RPS6KA5: variants seen among roughly 807,000 people sequenced by gnomAD.
RPS6KA5 encodes the protein ribosomal protein S6 kinase A5, also known as ribosomal protein S6 kinase alpha-5.
A neutral mutation model predicts 85.5 loss-of-function variants in RPS6KA5; 27 were observed. The ratio of observed to expected loss-of-function variants is 0.32; its 90% CI spans 0.23 to 0.44. The LOEUF (loss-of-function observed/expected upper bound fraction) is 0.44, where lower values mean the gene tolerates loss of function less well. Among genes scored for constraint, RPS6KA5 ranks in the 20% least tolerant of loss-of-function variants. The pLI is 1.00. For synonymous variants in RPS6KA5, 334 were observed against 348.2 expected (o/e 0.96, Z 0.46); for missense variants, 811 against 980.9 (o/e 0.83, Z 2.31).
In RPS6KA5 at chr14:90,978,491, C is replaced by T; in HGVS notation, c.209G>A (p.Ser70Asn). The change falls in exon 3 of 17, where the codon AGT (serine) becomes AAT (asparagine). Residue 70 changes from serine to asparagine, a missense_variant. Transcript: ENST00000614987. ...ATACAGCTTTCCAGTATCATGGCCACTTATTTTACGAACTAGAAATACTTT... is the reference window on the plus strand; with the variant it reads ...ATACAGCTTTCCAGTATCATGGCCATTTATTTTACGAACTAGAAATACTTT... ...YGKVFLVRKISGHDTGKLYAM... is the reference protein window; with the variant it reads ...YGKVFLVRKINGHDTGKLYAM... The T allele has an allele frequency of 6.3e-7, 1 of 1,598,628 alleles. No homozygotes were observed. The highest frequency in any genetic ancestry group is 8.5e-7 in the Non-Finnish European group (1 of 1,174,574).
At chr14:90,904,008 G>T in intron 8 of RPS6KA5, among the ~76,000 whole-genome samples, 1 of 151,156 alleles carries the variant, frequency 6.6e-6, no homozygotes, top group Non-Finnish European at 1.5e-5. Flanking sequence ...GGGCAGTGGC[G>T]CGATCTCGGC....
intron 1 of RPS6KA5, among the ~76,000 whole-genome samples, chr14:91,026,882 T>C (rs2042009186): frequency 6.6e-6 from 1 of 152,224 alleles, no homozygotes; most frequent in Non-Finnish European, 1.5e-5. Context: ...ATTAGCGATG[T>C]TGAGCATTTT....
intron 13 of RPS6KA5, among the ~76,000 whole-genome samples, chr14:90,891,765 T>C (rs545042661): frequency 3.0e-4 from 45 of 152,302 alleles, no homozygotes; most frequent in Middle Eastern, 3.4e-3. Context: ...TAGCATACAT[T>C]GTTTAATCTT....
Position 90,851,992 on chromosome 14 carries a change from C to A in RPS6KA5, c.*20082G>T, listed in dbSNP as rs2032018361. 6.7e-6 allele frequency: 1 copy of A among 149,760 alleles called. No individual in the cohort carries two copies. Among genetic ancestry groups the A allele is most frequent in the Non-Finnish European group, 1.5e-5 (1 of 67,584 alleles). 9.3% of individuals were successfully genotyped at this position (149,760 alleles called of 1,614,324 possible). A position where few individuals can be genotyped will look rare whatever the true frequency, so the allele number is the denominator to read the frequency against. The stretch of plus-strand genomic sequence containing the variant: ...ATATTCGTTGATCTAAAGAAATAAA[C>A]AGTATTATTCAGTAATAGTCCTAGT... On this transcript the variant is annotated 3_prime_UTR_variant, in exon 17 of 17. Coordinates refer to ENST00000614987, the MANE Select transcript of RPS6KA5 (RefSeq NM_004755.4).
chr14:90,887,053 C>G lies in RPS6KA5; in HGVS notation c.1836+3434G>C, dbSNP rs553629565. 1.3e-4 allele frequency among the ~76,000 whole-genome samples: 20 copies of G among 152,170 alleles called. No homozygotes were observed. The South Asian group carries it at 3.5e-3, about 27-fold the overall frequency. Reference sequence around the variant, plus strand: ...TTGTGCTTGTTATGGGATAATTCAGCCTTTGTATCTAGATATGCATTCATT... The same window carrying G: ...TTGTGCTTGTTATGGGATAATTCAGGCTTTGTATCTAGATATGCATTCATT... On this transcript the variant is annotated intron_variant, in intron 14 of 16. Transcript: ENST00000614987.
chr14:90,916,831 C>G (rs2036142363), intron 7 of RPS6KA5, among the ~76,000 whole-genome samples: 1 of 152,186 alleles, frequency 6.6e-6, no homozygotes, highest in Non-Finnish European at 1.5e-5. Context: ...CTGATTCAGG[C>G]TCTCTTTCTC....
intron 1 of RPS6KA5, among the ~76,000 whole-genome samples, chr14:91,051,763 A>T (rs1350862703): frequency 3.9e-5 from 6 of 152,068 alleles, no homozygotes; most frequent in African/African-American, 1.4e-4. Flanking sequence ...TGCTGGGATT[A>T]CAGGCATGAG....
At chr14:91,010,831 C>G (rs1445824858) in intron 1 of RPS6KA5, among the ~76,000 whole-genome samples, 1 of 152,080 alleles carries the variant, frequency 6.6e-6, no homozygotes, top group Non-Finnish European at 1.5e-5. Context: ...CCTAAGGGAG[C>G]AGGTTCTTCA....
At chr14:91,040,708 G>C (rs2042574645) in intron 1 of RPS6KA5, among the ~76,000 whole-genome samples, 1 of 152,172 alleles carries the variant, frequency 6.6e-6, no homozygotes, top group South Asian at 2.1e-4. Flanking sequence ...GGCACAAGCA[G>C]AGATAGCAGC....
chr14:90,998,007 GAAAAAAA>G (rs58227226), intron 2 of RPS6KA5, among the ~76,000 whole-genome samples: 1 of 59,902 alleles, frequency 1.7e-5, no homozygotes, highest in East Asian at 5.4e-4. Context: ...GACTCTGTCT[GAAAAAAA>G]AAAAAAAAAA....
intron 3 of RPS6KA5, among the ~76,000 whole-genome samples, chr14:90,967,158 A>G (rs903529248): frequency 3.3e-5 from 5 of 152,222 alleles, no homozygotes; most frequent in South Asian, 2.1e-4. Flanking sequence ...AGTCCATACA[A>G]TGGAATACCT....
In RPS6KA5 at chr14:90,974,037, C is replaced by CAAAAA. The variant is rs56212923; in HGVS notation, c.394+4264_394+4268dup. On this transcript the variant is annotated intron_variant, in intron 3 of 16. Transcript: ENST00000614987. ...AAGGTGACAGAGTGAGACTCCATCT[C>CAAAAA]AAAAAAAAAAAAAAAAAAAAAATAG... Among the ~76,000 whole-genome samples, 260 of 61,438 alleles carry CAAAAA rather than the reference C, an allele frequency of 4.2e-3. 31 individuals carry two copies. Among genetic ancestry groups the CAAAAA allele is most frequent in the African/African-American group, 0.014 (220 of 16,244 alleles). 40.3% of individuals were successfully genotyped at this position (61,438 alleles called of 152,430 possible). A position where few individuals can be genotyped will look rare whatever the true frequency, so the allele number is the denominator to read the frequency against.
chr14:90,942,894 C>T (rs1042898008), intron 5 of RPS6KA5, among the ~76,000 whole-genome samples, 184 bp downstream of exon 5: 10 of 151,934 alleles, frequency 6.6e-5, no homozygotes, highest in Admixed American at 2.0e-4. Context: ...CAAGGTTTAC[C>T]GCAATTTTAA....
intron 1 of RPS6KA5, among the ~76,000 whole-genome samples, chr14:91,050,734 G>A (rs2043045442): frequency 6.6e-6 from 1 of 152,040 alleles, no homozygotes; most frequent in African/African-American, 2.4e-5. Flanking sequence ...CAGCCGGCTT[G>A]CTTTTGTAAG....
intron 14 of RPS6KA5, among the ~76,000 whole-genome samples, chr14:90,886,821 G>C (rs554640707): frequency 2.7e-4 from 41 of 152,310 alleles, no homozygotes; most frequent in African/African-American, 9.6e-4. Flanking sequence ...ATACATTTCA[G>C]ACAGGGATTG....
At chr14:91,012,133 AG>A (rs1421874936) in intron 1 of RPS6KA5, among the ~76,000 whole-genome samples, 1 of 152,220 alleles carries the variant, frequency 6.6e-6, no homozygotes, top group Non-Finnish European at 1.5e-5. Context: ...AAAACAAAAA[AG>A]AGGGAAACAA....
intron 3 of RPS6KA5, among the ~76,000 whole-genome samples, chr14:90,970,692 T>C (rs2104150): frequency 0.045 from 6,818 of 152,208 alleles, 402 homozygotes; most frequent in South Asian, 0.12. Flanking sequence ...TCAGTGTTAG[T>C]TGAAATAAAT....
At chr14:91,044,365 G>A (rs1194760381) in intron 1 of RPS6KA5, among the ~76,000 whole-genome samples, 3 of 13,308 alleles carry the variant, frequency 2.3e-4, no homozygotes, top group African/African-American at 7.4e-4. Context: ...GAAAGAAAGA[G>A]AAAGAAAGAA....
intron 1 of RPS6KA5, among the ~76,000 whole-genome samples, chr14:91,019,788 T>C (rs2041668104): frequency 6.6e-6 from 1 of 152,236 alleles, no homozygotes; most frequent in Non-Finnish European, 1.5e-5. Flanking sequence ...AATGGTGTTA[T>C]CGGAACATAA....
Sources: allele counts gnomAD v4.1 joint callset (sites outside exome capture counted in the v4.1 genomes callset), GRCh38; gene constraint gnomAD v4.1.1; transcripts MANE v1.5; gene names NCBI Gene and HGNC (gene_info 2026-07-23, HGNC 2026-07-21).